Variants in VWA3B observed in about 807,000 individuals in gnomAD.
VWA3B encodes the protein von Willebrand factor A domain-containing protein 3B.
A neutral mutation model predicts 158.3 loss-of-function variants in VWA3B; 138 were observed. The observed-to-expected ratio is 0.87, with a 90% CI of 0.76 to 1.00. The LOEUF (loss-of-function observed/expected upper bound fraction) is 1.00. Among genes scored for constraint, VWA3B ranks in the 50% least tolerant of loss-of-function variants. VWA3B has a pLI of 0.00. For missense variants in VWA3B, 1,555 were observed against 1,565.1 expected (o/e 0.99, Z 0.11); for synonymous variants, 596 against 587.3 (o/e 1.01, Z -0.21).
At chr2:98,317,345 T>C (rs1311582320), downstream of VWA3B, among the ~76,000 whole-genome samples, 2 of 152,038 alleles carry the variant, frequency 1.3e-5, no homozygotes, top group East Asian at 3.9e-4. Flanking sequence ...CCCCCAGCCA[T>C]CTGAGTGGCC....
chr2:98,092,860 A>ATATC (rs1553633936), intron 1 of VWA3B, among the ~76,000 whole-genome samples: 1 of 118,518 alleles, frequency 8.4e-6, no homozygotes, highest in Non-Finnish European at 1.8e-5. Context: ...ATATATATAT[A>ATATC]GTTGAATATT....
At chr2:98,169,214 G>A (rs1679368359) in intron 8 of VWA3B, among the ~76,000 whole-genome samples, 1 of 152,070 alleles carries the variant, frequency 6.6e-6, no homozygotes, top group Admixed American at 6.5e-5. Flanking sequence ...ATTCAGCCTG[G>A]AATTCTATAC....
At chr2:98,309,617 C>A (rs1457236510) in intron 26 of VWA3B, among the ~76,000 whole-genome samples, 8 of 152,218 alleles carry the variant, frequency 5.3e-5, no homozygotes, top group Admixed American at 5.2e-4. Flanking sequence ...GTTTAACACT[C>A]CTCCCTTGAC....
chr2:98,211,492 T>C (rs1385984749), intron 12 of VWA3B, among the ~76,000 whole-genome samples: 1 of 152,196 alleles, frequency 6.6e-6, no homozygotes, highest in African/African-American at 2.4e-5. Flanking sequence ...ACATGTACAT[T>C]GTTAGATTGC....
chr2:98,308,798 C>G (rs1048389789), intron 26 of VWA3B, among the ~76,000 whole-genome samples: 1 of 152,232 alleles, frequency 6.6e-6, no homozygotes, highest in African/African-American at 2.4e-5. Flanking sequence ...AGCTAGAACT[C>G]TCTCCCAGAT....
the VWA3B span, among the ~76,000 whole-genome samples, chr2:98,328,926 C>T: frequency 6.6e-6 from 1 of 152,158 alleles, no homozygotes; most frequent in East Asian, 1.9e-4. Context: ...CCTACCTCAT[C>T]TCAAGGCCTA....
intron 9 of VWA3B, among the ~76,000 whole-genome samples, chr2:98,181,700 T>C (rs1680595305): frequency 6.6e-6 from 1 of 152,182 alleles, no homozygotes; most frequent in African/African-American, 2.4e-5. Flanking sequence ...TTAAAAACTT[T>C]GAAAGCTGCA....
intron 15 of VWA3B, among the ~76,000 whole-genome samples, chr2:98,228,586 C>A (rs1482127012): frequency 6.6e-6 from 1 of 152,074 alleles, no homozygotes; most frequent in South Asian, 2.1e-4. Flanking sequence ...GCCCCCAGAC[C>A]CAAGCAATGA....
intron 8 of VWA3B, among the ~76,000 whole-genome samples, chr2:98,174,672 A>G (rs1050524103): frequency 3.3e-5 from 5 of 152,216 alleles, no homozygotes; most frequent in African/African-American, 1.2e-4. Context: ...CTGGGAATCT[A>G]TCATGCATAG....
intron 21 of VWA3B, among the ~76,000 whole-genome samples, chr2:98,269,668 C>T (rs745707696): frequency 6.6e-6 from 1 of 152,196 alleles, no homozygotes; most frequent in Non-Finnish European, 1.5e-5. Context: ...CTTTCTTACT[C>T]TCCTTCATGC....
At chr2:98,239,677 G>GAAGT (rs1444323559) in intron 19 of VWA3B, among the ~76,000 whole-genome samples, 2 of 151,982 alleles carry the variant, frequency 1.3e-5, no homozygotes, top group African/African-American at 4.8e-5. Flanking sequence ...CACTTCAGGA[G>GAAGT]GCCGAGGCAG....
chr2:98,228,446 A>C (rs1413254802), intron 15 of VWA3B, 114 bp downstream of exon 15: 21 of 1,304,490 alleles, frequency 1.6e-5, no homozygotes, highest in Non-Finnish European at 2.2e-5. Flanking sequence ...TAGTGAAAAG[A>C]ATCACGTAGT....
Position 98,303,781 on chromosome 2 carries a change from C to G in VWA3B, c.3500C>G (p.Pro1167Arg), listed in dbSNP as rs777872194. ...ALSCSHIKSP[P>R]IPEDPEVEDV... ...TCTTGCTCTCATATAAAGTCACCCCCAATTCCTGAGGATCCAGAAGTGTAA... is the reference window on the plus strand; with the variant it reads ...TCTTGCTCTCATATAAAGTCACCCCGAATTCCTGAGGATCCAGAAGTGTAA... The change falls in exon 26 of 28, where the codon CCA becomes CGA. Residue 1167 changes from proline to arginine, a missense_variant. Coordinates refer to ENST00000477737, the MANE Select transcript of VWA3B (RefSeq NM_144992.5). 1 of 1,614,138 alleles carries G rather than the reference C, an allele frequency of 6.2e-7. No homozygotes were observed. The highest frequency in any genetic ancestry group is 8.5e-7 in the Non-Finnish European group (1 of 1,180,010).
chr2:98,148,998 G>T (rs556405047), intron 7 of VWA3B, among the ~76,000 whole-genome samples: 3 of 152,266 alleles, frequency 2.0e-5, no homozygotes, highest in African/African-American at 7.2e-5. Flanking sequence ...ATGTGTGCTT[G>T]GTTTCTGTGC....
intron 1 of VWA3B, 28 bp from the exon 2 acceptor site, chr2:98,093,033 A>G: frequency 6.5e-7 from 1 of 1,536,644 alleles, no homozygotes; most frequent in East Asian, 2.3e-5. Context: ...AGTTTTTAGG[A>G]AGTCTGAGTT....
chr2:98,206,864 C>A (rs1683064019), intron 12 of VWA3B: 1 of 393,310 alleles, frequency 2.5e-6, no homozygotes, highest in Non-Finnish European at 4.9e-6. Context: ...TTTGAGAGGA[C>A]CTGTAAGGGC....
chr2:98,202,879 C>A (rs913335221), intron 12 of VWA3B, among the ~76,000 whole-genome samples: 1 of 152,130 alleles, frequency 6.6e-6, no homozygotes, highest in African/African-American at 2.4e-5. Context: ...GTCGCCCAGG[C>A]TGGACTGCAG....
In VWA3B at chr2:98,217,018, G is replaced by A. The variant is rs555082725; in HGVS notation, c.1837-828G>A. ...ACCCAGTCTCAGGTGGTCCCTTCATGCTAAACTGGCATGATGTTCAAGTGC... is the reference window on the plus strand; with the variant it reads ...ACCCAGTCTCAGGTGGTCCCTTCATACTAAACTGGCATGATGTTCAAGTGC... On this transcript the variant is annotated intron_variant, in intron 13 of 27. Transcript: ENST00000477737. 6.6e-4 allele frequency: 814 copies of A among 1,240,958 alleles called. 11 individuals are homozygous for A. The South Asian group carries it at 0.01, about 16-fold the overall frequency. 76.9% of individuals were successfully genotyped at this position (1,240,958 alleles called of 1,614,324 possible).
intron 6 of VWA3B, among the ~76,000 whole-genome samples, chr2:98,129,224 A>AGAGTGT (rs1370543551): frequency 1.3e-3 from 158 of 124,656 alleles, no homozygotes; most frequent in Non-Finnish European, 1.7e-3. Context: ...AGAGAGAGAG[A>AGAGTGT]GTGTGTGTGT....
Sources: allele counts gnomAD v4.1 joint callset (sites outside exome capture counted in the v4.1 genomes callset), GRCh38; gene constraint gnomAD v4.1.1; transcripts MANE v1.5; gene names NCBI Gene and HGNC (gene_info 2026-07-23, HGNC 2026-07-21).